DPP6: variants seen among roughly 807,000 people sequenced by gnomAD.
The protein encoded by DPP6 is dipeptidyl peptidase like 6, also known as A-type potassium channel modulatory protein DPP6.
A neutral mutation model predicts 122.6 loss-of-function variants in DPP6; 69 were observed. The observed-to-expected ratio is 0.56, with a 90% CI of 0.46 to 0.69. The LOEUF is 0.69. DPP6 is among the 30% of genes least tolerant of loss of function. The probability of loss-of-function intolerance (pLI) is 0.00; values close to 1 mark genes in which losing one functional copy is unlikely to be tolerated. For synonymous variants in DPP6, 418 were observed against 433.1 expected, an observed-to-expected ratio of 0.97 and a Z score of 0.43; for missense variants, 928 against 1,116.9, an observed-to-expected ratio of 0.83 and a Z score of 2.41.
chr7:154,060,539 G>C (rs1461941123), intron 1 of DPP6, among the ~76,000 whole-genome samples: 2 of 134,816 alleles, frequency 1.5e-5, no homozygotes, highest in Non-Finnish European at 3.1e-5. Flanking sequence ...AGGTGTCCAA[G>C]TAGAAAGTTC....
At chr7:154,799,951 T>A (rs1587179318) in intron 12 of DPP6, among the ~76,000 whole-genome samples, 1 of 152,218 alleles carries the variant, frequency 6.6e-6, no homozygotes, top group Non-Finnish European at 1.5e-5. Context: ...AGAGATGACA[T>A]CACAACGGTG....
At chr7:153,869,915 A>T in the DPP6 span, among the ~76,000 whole-genome samples, 1 of 152,180 alleles carries the variant, frequency 6.6e-6, no homozygotes, top group Non-Finnish European at 1.5e-5. Context: ...TATGAAGCTT[A>T]GTTTGGCTGG....
At chr7:154,294,946 G>A (rs1178996343) in intron 1 of DPP6, among the ~76,000 whole-genome samples, 2 of 152,214 alleles carry the variant, frequency 1.3e-5, no homozygotes, top group Non-Finnish European at 2.9e-5. Context: ...CTGTCACGCT[G>A]CCGTCGCCAA....
chr7:154,796,852 C>T (rs370892753), intron 12 of DPP6, among the ~76,000 whole-genome samples: 10 of 152,308 alleles, frequency 6.6e-5, no homozygotes, highest in South Asian at 6.2e-4. Context: ...CATCAACAGA[C>T]GGGCTGCTCC....
chr7:154,087,959 A>G (rs949637539), intron 1 of DPP6, among the ~76,000 whole-genome samples: 1 of 152,200 alleles, frequency 6.6e-6, no homozygotes, highest in African/African-American at 2.4e-5. Flanking sequence ...TGTTCACTGA[A>G]TGCACAGACC....
intron 2 of DPP6, among the ~76,000 whole-genome samples, chr7:154,458,929 A>G (rs1821034874): frequency 1.3e-5 from 2 of 152,208 alleles, no homozygotes; most frequent in African/African-American, 4.8e-5. Flanking sequence ...CTTCACCACA[A>G]AGAAAGGAAA....
chr7:154,386,681 T>G (rs184632080), intron 1 of DPP6, among the ~76,000 whole-genome samples: 1 of 152,156 alleles, frequency 6.6e-6, no homozygotes, highest in Non-Finnish European at 1.5e-5. Context: ...TTACCCTGTT[T>G]CATATGTAAA....
intron 1 of DPP6, among the ~76,000 whole-genome samples, chr7:154,357,063 A>G (rs1426386253): frequency 6.6e-6 from 1 of 152,238 alleles, no homozygotes; most frequent in African/African-American, 2.4e-5. Context: ...TATTGATAAA[A>G]TGAAATTAAG....
chr7:154,133,905 C>T (rs550425013), intron 1 of DPP6, among the ~76,000 whole-genome samples: 1 of 151,322 alleles, frequency 6.6e-6, no homozygotes, highest in East Asian at 2.0e-4. Flanking sequence ...ATCCACGCCC[C>T]CCATGGCCTC....
At chr7:154,172,493 C>T (rs1230587403) in intron 1 of DPP6, among the ~76,000 whole-genome samples, 1 of 152,172 alleles carries the variant, frequency 6.6e-6, no homozygotes, top group African/African-American at 2.4e-5. Flanking sequence ...TGAACCAAAA[C>T]TTTCAATCTT....
At chr7:154,610,523 A>G (rs1276551064) in intron 5 of DPP6, among the ~76,000 whole-genome samples, 1 of 152,200 alleles carries the variant, frequency 6.6e-6, no homozygotes, top group Non-Finnish European at 1.5e-5. Context: ...CATTTCTTGC[A>G]GCACCTGTCT....
At chr7:154,072,704 T>G (rs1803208200) in intron 1 of DPP6, among the ~76,000 whole-genome samples, 1 of 152,244 alleles carries the variant, frequency 6.6e-6, no homozygotes, top group Non-Finnish European at 1.5e-5. Context: ...CTGAGTCAGA[T>G]GGAAATAAAA....
At chr7:154,169,328 G>A (rs79402499) in intron 1 of DPP6, among the ~76,000 whole-genome samples, 4,330 of 152,186 alleles carry the variant, frequency 0.028, 203 homozygotes, top group African/African-American at 0.097. Flanking sequence ...ATATGGTGGT[G>A]GGCGGGGTGG....
intron 3 of DPP6, among the ~76,000 whole-genome samples, chr7:154,495,280 G>A (rs978535588): frequency 3.3e-5 from 5 of 152,136 alleles, no homozygotes; most frequent in Admixed American, 6.5e-5. Flanking sequence ...GGCCATGGTG[G>A]GCTCTGAGTG....
At chr7:154,521,882 C>G (rs1032180792) in intron 3 of DPP6, among the ~76,000 whole-genome samples, 1 of 152,186 alleles carries the variant, frequency 6.6e-6, no homozygotes, top group African/African-American at 2.4e-5. Flanking sequence ...AAGCAAATGC[C>G]TCCTAATAAC....
intron 23 of DPP6, 73 bp from the exon 24 acceptor site, chr7:154,889,199 G>T: frequency 6.4e-7 from 1 of 1,553,046 alleles, no homozygotes; most frequent in East Asian, 2.3e-5. Context: ...TTCTCAGTCA[G>T]GTTTCCAAGC....
At position 154,680,676 on chromosome 7, in the gene DPP6, T is replaced by TTA. The variant is rs1261722015; in HGVS notation, c.762+11245_762+11246dup. ...TAAAACTTTCTTGGTTAAAGCAACA[T>TTA]TATATATATATTTTTTTTAAAAAAA... On this transcript the variant is annotated intron_variant, in intron 7 of 25. Transcript: ENST00000377770. Among the ~76,000 whole-genome samples the TTA allele has an allele frequency of 5.2e-3, 472 of 90,176 alleles. 3 individuals carry two copies. Among genetic ancestry groups the TTA allele is most frequent in the African/African-American group, 0.016 (461 of 28,550 alleles). The allele number at this position is 90,176 out of a possible 152,430, so 59.2% of individuals were successfully genotyped here.
chr7:154,297,072 T>TTG (rs1004376749), intron 1 of DPP6, among the ~76,000 whole-genome samples: 3 of 139,484 alleles, frequency 2.2e-5, no homozygotes, highest in Non-Finnish European at 4.5e-5. Flanking sequence ...TGTTTTTTTT[T>TTG]TTTTGTTTTG....
chr7:153,801,001 T>C, the DPP6 span, among the ~76,000 whole-genome samples: 1 of 152,026 alleles, frequency 6.6e-6, no homozygotes, highest in South Asian at 2.1e-4. Context: ...CAATTACATA[T>C]CAATTTTTTA....
Sources: allele counts gnomAD v4.1 joint callset (sites outside exome capture counted in the v4.1 genomes callset), GRCh38; gene constraint gnomAD v4.1.1; transcripts MANE v1.5; gene names NCBI Gene and HGNC (gene_info 2026-07-23, HGNC 2026-07-21).